The following NUAK1 variants were observed in gnomAD, a reference collection of about 807,000 sequenced individuals.
NUAK1 encodes NUAK family kinase 1.
NUAK1 carries 26 observed loss-of-function variants against 56.9 expected under a neutral mutation model. The ratio of observed to expected loss-of-function variants is 0.46; its 90% confidence interval spans 0.33 to 0.63. The LOEUF is 0.63. NUAK1 is among the 30% of genes least tolerant of loss of function. The pLI is 0.02. For synonymous variants in NUAK1, 337 were observed against 336.0 expected, an observed-to-expected ratio of 1.00 and a Z score of -0.03; for missense variants, 727 against 876.1, an observed-to-expected ratio of 0.83 and a Z score of 2.15.
intron 1 of NUAK1, among the ~76,000 whole-genome samples, chr12:106,107,549 C>T (rs113093646): frequency 3.3e-3 from 505 of 152,278 alleles, no homozygotes; most frequent in African/African-American, 0.012. Context: ...GTCAGGTAAA[C>T]TTTCCTAGGG....
intron 1 of NUAK1, among the ~76,000 whole-genome samples, chr12:106,133,688 A>C (rs2033103258): frequency 2.0e-5 from 3 of 152,220 alleles, no homozygotes; most frequent in African/African-American, 7.2e-5. Flanking sequence ...AGCTCTCAAA[A>C]ATATCAGCTG....
At chr12:106,081,360 A>G (rs2032516370) in intron 4 of NUAK1, among the ~76,000 whole-genome samples, 1 of 152,252 alleles carries the variant, frequency 6.6e-6, no homozygotes, top group African/African-American at 2.4e-5. Context: ...TTGAACAAAG[A>G]GGAAAGGAAT....
intron 1 of NUAK1, among the ~76,000 whole-genome samples, chr12:106,124,491 C>G (rs925582851): frequency 6.6e-6 from 1 of 152,124 alleles, no homozygotes; most frequent in Non-Finnish European, 1.5e-5. Flanking sequence ...GATGAAAACC[C>G]CTGCCCTGGC....
At chr12:106,086,597 G>T (rs2032572711) in intron 3 of NUAK1, 137 bp downstream of exon 3, 2 of 815,810 alleles carry the variant, frequency 2.5e-6, no homozygotes, top group Non-Finnish European at 1.7e-6. Flanking sequence ...ACGGGTGATG[G>T]TAATTTTCTT....
intron 4 of NUAK1, among the ~76,000 whole-genome samples, chr12:106,078,135 G>A (rs2032481693): frequency 6.6e-6 from 1 of 152,226 alleles, no homozygotes; most frequent in Admixed American, 6.5e-5. Context: ...CAAGGTTAAG[G>A]CAGGGGGACT....
intron 2 of NUAK1, among the ~76,000 whole-genome samples, chr12:106,092,729 G>T (rs2032648867): frequency 6.6e-6 from 1 of 152,138 alleles, no homozygotes; most frequent in Non-Finnish European, 1.5e-5. Flanking sequence ...ATATCCTTGT[G>T]CATGTCTTTT....
chr12:106,138,380 C>A lies in NUAK1; in HGVS notation c.240+34G>T. ...TCAGTCCCCGGCCGCGTCCACCCAG[C>A]GCCCCCCGCACCCTCCAGGATTGCC... is the stretch of plus-strand genomic sequence containing the variant. On this transcript the variant is annotated intron_variant, in intron 1 of 6. Transcript: ENST00000261402. The surrounding 1 kb of genome is among the most constrained non-coding windows in gnomAD (Gnocchi z 5.0). The A allele has an allele frequency of 1.3e-6, 2 of 1,567,172 alleles. No homozygotes were observed. Among genetic ancestry groups the A allele is most frequent in the Non-Finnish European group, 1.7e-6 (2 of 1,161,024 alleles).
Position 106,067,490 on chromosome 12 carries a change from T to C in NUAK1, c.1298A>G (p.Gln433Arg), listed in dbSNP as rs780375162. 4.3e-6 allele frequency: 7 copies of C among 1,614,100 alleles called. No individual in the cohort carries two copies. The Admixed American group carries it at 1.2e-4, about 27-fold the overall frequency. Residue 433 changes from glutamine (Q) to arginine (R), a missense_variant, in exon 7 of 7, where the codon CAG becomes CGG. Physicochemically the swap from Gln to Arg is conservative, Grantham distance 43 (BLOSUM62 1). Coordinates refer to ENST00000261402, the MANE Select transcript of NUAK1 (RefSeq NM_014840.3). This position sits in a 1 kb window ranked among gnomAD's most constrained non-coding sequence, Gnocchi z 6.0. Reference sequence around the variant, plus strand: ...GAGCACGCCAGTCCTGCACAAGTCCTGCTCCATCTTGAAAGTAGAGGGTAA... The same window carrying C: ...GAGCACGCCAGTCCTGCACAAGTCCCGCTCCATCTTGAAAGTAGAGGGTAA... ...PALPSTFKME[Q>R]DLCRTGVLLP...
rs1226136769 is a variant in NUAK1, at chr12:106,119,726, A to T, written c.241-13201T>A. Among the ~76,000 whole-genome samples, 4 of 152,214 alleles carry T rather than the reference A, an allele frequency of 2.6e-5. No individual in the cohort carries two copies. In the East Asian group the frequency reaches 7.7e-4, roughly 29 times the overall value. On this transcript the variant is annotated intron_variant, in intron 1 of 6. Transcript: ENST00000261402. ...GAATTTTATTTTTTAAAAAGGTCAC[A>T]AAGAGGAATGAAAGTTAATAAGGGA... is the stretch of plus-strand genomic sequence containing the variant.
chr12:106,098,782 G>A (rs903516509), intron 2 of NUAK1, among the ~76,000 whole-genome samples: 2 of 152,160 alleles, frequency 1.3e-5, no homozygotes, highest in Non-Finnish European at 2.9e-5. Context: ...GCTTTCAAAG[G>A]GGAAGTGGGG....
intron 1 of NUAK1, among the ~76,000 whole-genome samples, chr12:106,110,806 G>A (rs116397378): frequency 0.03 from 4,541 of 152,322 alleles, 103 homozygotes; most frequent in African/African-American, 0.063. Flanking sequence ...AGCAGGTTTG[G>A]TGGAGAACCT....
At chr12:106,077,642 C>T (rs1028884489) in intron 4 of NUAK1, among the ~76,000 whole-genome samples, 3 of 152,152 alleles carry the variant, frequency 2.0e-5, no homozygotes, top group East Asian at 1.9e-4. Context: ...TAACCCAAGG[C>T]GCTTTAGATA....
intron 2 of NUAK1, among the ~76,000 whole-genome samples, chr12:106,097,397 C>G (rs2032705893): frequency 6.6e-6 from 1 of 152,188 alleles, no homozygotes. Flanking sequence ...CAAAAGTGCT[C>G]AATACCTTTT....
intron 1 of NUAK1, among the ~76,000 whole-genome samples, chr12:106,117,619 A>G (rs1395295728): frequency 1.3e-5 from 2 of 152,218 alleles, no homozygotes; most frequent in Non-Finnish European, 2.9e-5. Context: ...AAACACCACA[A>G]AAATACAATA....
intron 3 of NUAK1, 99 bp downstream of exon 3, chr12:106,086,635 T>C (rs2032573044): frequency 8.6e-7 from 1 of 1,165,104 alleles, no homozygotes; most frequent in Non-Finnish European, 1.1e-6. Flanking sequence ...TCTCCATACA[T>C]GCTCCCATGA....
intron 1 of NUAK1, among the ~76,000 whole-genome samples, chr12:106,115,633 A>T (rs992977297): frequency 2.6e-5 from 4 of 152,222 alleles, no homozygotes; most frequent in Non-Finnish European, 5.9e-5. Context: ...ATCCATCGGG[A>T]GGCTTGTCAT....
In NUAK1 at chr12:106,064,797, C is replaced by CT. The variant is rs984190124; in HGVS notation, c.*2004_*2005insA. The CT allele has an allele frequency of 6.8e-6, 1 of 146,680 alleles. No individual in the cohort carries two copies. The highest frequency in any genetic ancestry group is 1.5e-5 in the Non-Finnish European group (1 of 65,976). 9.1% of individuals were successfully genotyped at this position (146,680 alleles called of 1,614,324 possible). On this transcript the variant is annotated 3_prime_UTR_variant, in exon 7 of 7. Coordinates refer to ENST00000261402, the MANE Select transcript of NUAK1 (RefSeq NM_014840.3). Reference sequence around the variant, plus strand: ...CCTCCATGCACCCACACCCCCACCCCCCCCCACACACACAATTTGCTATCT... The same window carrying CT: ...CCTCCATGCACCCACACCCCCACCCCTCCCCCACACACACAATTTGCTATCT...
chr12:106,098,793 G>A (rs1445745860), intron 2 of NUAK1, among the ~76,000 whole-genome samples: 2 of 152,212 alleles, frequency 1.3e-5, no homozygotes, highest in Non-Finnish European at 2.9e-5. Flanking sequence ...GGAAGTGGGG[G>A]TGAGACAGTG....
At chr12:106,088,820 A>T (rs932479944) in intron 2 of NUAK1, among the ~76,000 whole-genome samples, 1 of 152,152 alleles carries the variant, frequency 6.6e-6, no homozygotes, top group African/African-American at 2.4e-5. Context: ...CCTGGAACCT[A>T]CCCTAGGCCT....
Sources: allele counts gnomAD v4.1 joint callset (sites outside exome capture counted in the v4.1 genomes callset), GRCh38; gene constraint gnomAD v4.1.1; non-coding constraint Gnocchi (gnomAD v3.1); transcripts MANE v1.5; gene names NCBI Gene and HGNC (gene_info 2026-07-23, HGNC 2026-07-21).